Variants in FER observed in about 807,000 individuals in gnomAD.
FER encodes the protein tyrosine-protein kinase Fer.
In FER, 63 loss-of-function variants were observed where a neutral mutation model predicts 111.0. That is an observed-to-expected ratio of 0.57 (90% confidence interval 0.46 to 0.70). The LOEUF (loss-of-function observed/expected upper bound fraction) is 0.70. Ranked by LOEUF, FER falls within the 30% of genes least tolerant of loss-of-function variation. FER has a pLI of 0.00. For missense variants in FER, 914 were observed against 954.0 expected (o/e 0.96, Z 0.55); for synonymous variants, 327 against 313.9 (o/e 1.04, Z -0.44).
intron 2 of FER, among the ~76,000 whole-genome samples, chr5:108,795,007 T>A (rs952054250): frequency 1.3e-5 from 2 of 152,238 alleles, no homozygotes; most frequent in Admixed American, 6.5e-5. Flanking sequence ...TCCTTTTTAA[T>A]TCTAATTACT....
intron 13 of FER, among the ~76,000 whole-genome samples, chr5:109,036,409 C>T (rs1275750432): frequency 6.6e-6 from 1 of 152,014 alleles, no homozygotes; most frequent in Admixed American, 6.6e-5. Flanking sequence ...AGGTAAAGCA[C>T]TTCAAATAAC....
Position 109,100,627 on chromosome 5 carries a change from C to G in FER, c.2048+108C>G, listed in dbSNP as rs932850921. The G allele has an allele frequency of 2.9e-5, 33 of 1,151,394 alleles. 1 individual carries two copies. In the South Asian group the frequency reaches 3.3e-4, roughly 12 times the overall value. 71.3% of individuals were successfully genotyped at this position (1,151,394 alleles called of 1,614,324 possible). A position where few individuals can be genotyped will look rare whatever the true frequency, so the allele number is the denominator to read the frequency against. ...TTTTCTTTCATGAAACATGTCTTTT[C>G]TTGTTTTCTGTATTTTGTGTGAAAG... On this transcript the variant is annotated intron_variant, in intron 17 of 19. Coordinates refer to ENST00000281092, the MANE Select transcript of FER (RefSeq NM_005246.4).
At chr5:108,888,122 A>G (rs992205164) in intron 9 of FER, among the ~76,000 whole-genome samples, 1 of 151,942 alleles carries the variant, frequency 6.6e-6, no homozygotes, top group African/African-American at 2.4e-5. Context: ...TGTCACATCT[A>G]GCTTCTGGTA....
chr5:108,839,611 T>C (rs1275003995), intron 5 of FER, among the ~76,000 whole-genome samples: 2 of 131,442 alleles, frequency 1.5e-5, no homozygotes, highest in Non-Finnish European at 3.1e-5. Context: ...GGAGCCTCGC[T>C]CTGCCTCCCA....
chr5:109,047,938 T>C (rs1046908649), intron 16 of FER, among the ~76,000 whole-genome samples: 6 of 152,214 alleles, frequency 3.9e-5, no homozygotes, highest in Non-Finnish European at 8.8e-5. Context: ...ATTAATAGTA[T>C]GTTTTAAAGT....
intron 5 of FER, among the ~76,000 whole-genome samples, chr5:108,836,780 C>A (rs1760708666): frequency 6.6e-6 from 1 of 151,656 alleles, no homozygotes; most frequent in East Asian, 1.9e-4. Flanking sequence ...TCTTTCTCTT[C>A]TCCTTCCTTT....
intron 17 of FER, among the ~76,000 whole-genome samples, chr5:109,137,920 G>A (rs1274751088): frequency 6.6e-6 from 1 of 152,156 alleles, no homozygotes; most frequent in Non-Finnish European, 1.5e-5. Context: ...TTTAACTTGG[G>A]AATGCTATCC....
rs1759451785 is a variant in FER, at chr5:109,192,537, T to C, written c.*4962T>C. ...TATTCATTATTTCCCAACTAATGCA[T>C]TTGGACATATGTATTCCAGTTTTTC... On this transcript the variant is annotated 3_prime_UTR_variant, in exon 20 of 20. Transcript: ENST00000281092. 1 of 152,174 alleles carries C rather than the reference T, an allele frequency of 6.6e-6. No homozygotes were observed. Among genetic ancestry groups the C allele is most frequent in the African/African-American group, 2.4e-5 (1 of 41,458 alleles). 9.4% of individuals were successfully genotyped at this position (152,174 alleles called of 1,614,324 possible). A position where few individuals can be genotyped will look rare whatever the true frequency, so the allele number is the denominator to read the frequency against.
chr5:109,005,095 G>A (rs1217206607), intron 13 of FER, among the ~76,000 whole-genome samples: 1 of 152,224 alleles, frequency 6.6e-6, no homozygotes, highest in East Asian at 1.9e-4. Flanking sequence ...CCAGAATCCA[G>A]TGTGTGCCAG....
intron 17 of FER, among the ~76,000 whole-genome samples, chr5:109,142,623 T>C (rs1405687485): frequency 6.6e-6 from 1 of 152,060 alleles, no homozygotes; most frequent in East Asian, 1.9e-4. Flanking sequence ...TAAATATTTA[T>C]AGAGAGAGCA....
chr5:108,935,105 C>T (rs964881069), intron 10 of FER, among the ~76,000 whole-genome samples: 1 of 151,996 alleles, frequency 6.6e-6, no homozygotes, highest in African/African-American at 2.4e-5. Context: ...GTGATTCTTT[C>T]TCAGCTATAT....
At chr5:108,866,006 A>C (rs953673975) in intron 5 of FER, among the ~76,000 whole-genome samples, 1 of 152,230 alleles carries the variant, frequency 6.6e-6, no homozygotes, top group Non-Finnish European at 1.5e-5. Flanking sequence ...AACAAGTTCA[A>C]CCATTGTGGA....
chr5:108,915,057 G>A (rs992074913), intron 10 of FER, among the ~76,000 whole-genome samples: 9 of 152,186 alleles, frequency 5.9e-5, no homozygotes, highest in African/African-American at 2.2e-4. Context: ...GGTTTCAGAA[G>A]TCAGTGAACA....
chr5:108,776,582 C>T (rs1017797928), intron 2 of FER, among the ~76,000 whole-genome samples: 5 of 152,026 alleles, frequency 3.3e-5, no homozygotes, highest in Non-Finnish European at 4.4e-5. Flanking sequence ...TGTGGGAATC[C>T]GATTATCCTT....
Position 108,954,712 on chromosome 5 carries a change from T to A in FER, c.1330-17T>A. The A allele has an allele frequency of 6.8e-7, 1 of 1,479,474 alleles. No individual in the cohort carries two copies. The highest frequency in any genetic ancestry group is 9.0e-7 in the Non-Finnish European group (1 of 1,114,340). The allele number at this position is 1,479,474 out of a possible 1,614,324, so 91.6% of individuals were successfully genotyped here. On this transcript the variant is annotated splice_polypyrimidine_tract_variant and intron_variant, in intron 11 of 19. Transcript: ENST00000281092. ...ATTTTCTCTAATTTAGTTTTTTTTT[T>A]TTAATATTTGTTTAAGCTTTCTGAT... is the stretch of plus-strand genomic sequence containing the variant.
intron 17 of FER, among the ~76,000 whole-genome samples, chr5:109,120,590 T>C (rs934994236): frequency 1.3e-5 from 2 of 152,172 alleles, no homozygotes; most frequent in South Asian, 4.1e-4. Context: ...CTGGGTCTTT[T>C]GTGGTTCCAT....
At chr5:108,935,991 G>C (rs1468713998) in intron 10 of FER, among the ~76,000 whole-genome samples, 1 of 151,976 alleles carries the variant, frequency 6.6e-6, no homozygotes, top group Non-Finnish European at 1.5e-5. Flanking sequence ...TATGAGGTCT[G>C]TGTCTTGCAA....
At chr5:109,092,284 C>CAAAAAAAAAAAAAAAAAAA (rs70999914) in intron 16 of FER, among the ~76,000 whole-genome samples, 1 of 40,428 alleles carries the variant, frequency 2.5e-5, no homozygotes, top group African/African-American at 7.8e-5. Context: ...CTTATGATGG[C>CAAAAAAAAAAAAAAAAAAA]AAAAAAAAAA....
At chr5:109,098,288 T>C (rs964039107) in intron 16 of FER, among the ~76,000 whole-genome samples, 3 of 151,862 alleles carry the variant, frequency 2.0e-5, no homozygotes, top group Non-Finnish European at 2.9e-5. Flanking sequence ...TGTTAAATAA[T>C]TTGTTGAATA....
Sources: gnomAD v4.1 joint callset for allele counts (sites outside exome capture counted in the v4.1 genomes callset) on GRCh38, gnomAD v4.1.1 for gene constraint, MANE v1.5 for transcripts, NCBI Gene and HGNC (gene_info 2026-07-23, HGNC 2026-07-21) for gene names.